Variants in NKAIN2 observed in about 807,000 individuals in gnomAD.
NKAIN2 encodes the protein sodium/potassium transporting ATPase interacting 2.
NKAIN2 carries 14 observed loss-of-function variants against 32.6 expected under a neutral mutation model. That is an observed-to-expected ratio of 0.43 (90% CI 0.28 to 0.67). The LOEUF (loss-of-function observed/expected upper bound fraction) is 0.67. Among genes scored for constraint, NKAIN2 ranks in the 30% least tolerant of loss-of-function variants. The pLI, the probability that NKAIN2 is intolerant of heterozygous loss-of-function variation, is 0.17. For synonymous variants in NKAIN2, 80 were observed against 87.2 expected (o/e 0.92, Z 0.46); for missense variants, 198 against 258.3 (o/e 0.77, Z 1.60).
At chr6:123,967,375 A>G (rs993220683) in intron 1 of NKAIN2, among the ~76,000 whole-genome samples, 10 of 152,214 alleles carry the variant, frequency 6.6e-5, no homozygotes, top group Non-Finnish European at 1.0e-4. Flanking sequence ...TCTTCATGGC[A>G]TCTAGCCGAG....
At chr6:123,805,003 T>C (rs1773156068) in intron 1 of NKAIN2, among the ~76,000 whole-genome samples, 1 of 152,212 alleles carries the variant, frequency 6.6e-6, no homozygotes, top group African/African-American at 2.4e-5. Context: ...GAATTCTATG[T>C]ACTTTTTGAG....
chr6:124,186,922 T>C (rs1427299038), intron 1 of NKAIN2, among the ~76,000 whole-genome samples: 1 of 151,782 alleles, frequency 6.6e-6, no homozygotes, highest in Non-Finnish European at 1.5e-5. Context: ...CCTTCTAGGA[T>C]ACCTTAAAAC....
chr6:124,741,198 G>A (rs1777190468), intron 4 of NKAIN2, among the ~76,000 whole-genome samples: 1 of 151,370 alleles, frequency 6.6e-6, no homozygotes, highest in Non-Finnish European at 1.5e-5. Context: ...TAAGTTAGAT[G>A]TCTACTATAC....
intron 3 of NKAIN2, among the ~76,000 whole-genome samples, chr6:124,397,743 A>G (rs1431037140): frequency 2.6e-5 from 4 of 152,186 alleles, no homozygotes; most frequent in Non-Finnish European, 5.9e-5. Flanking sequence ...AGGTGTTATT[A>G]TCTCCGTTTC....
chr6:124,492,392 A>G (rs1209146276), intron 3 of NKAIN2, among the ~76,000 whole-genome samples: 1 of 151,990 alleles, frequency 6.6e-6, no homozygotes, highest in South Asian at 2.1e-4. Flanking sequence ...CAGTTCAGTT[A>G]AATGTTCCTA....
chr6:124,467,606 T>C (rs953016573), intron 3 of NKAIN2, among the ~76,000 whole-genome samples: 17 of 152,080 alleles, frequency 1.1e-4, no homozygotes, highest in African/African-American at 3.9e-4. Context: ...ATTCAAAGTC[T>C]AGGGCAATTT....
intron 4 of NKAIN2, among the ~76,000 whole-genome samples, chr6:124,723,358 T>C (rs1303480836): frequency 3.3e-5 from 5 of 152,226 alleles, no homozygotes; most frequent in African/African-American, 9.6e-5. Flanking sequence ...AGCACTTTCA[T>C]TGTGTTCAAT....
At chr6:124,091,697 C>G (rs1368929648) in intron 1 of NKAIN2, among the ~76,000 whole-genome samples, 2 of 151,864 alleles carry the variant, frequency 1.3e-5, no homozygotes, top group Non-Finnish European at 1.5e-5. Context: ...GTCTTCCACA[C>G]TTTGCCTCAT....
At chr6:124,133,597 A>G (rs163287) in intron 1 of NKAIN2, among the ~76,000 whole-genome samples, 106,823 of 151,914 alleles carry the variant, frequency 0.7, 38,057 homozygotes, top group African/African-American at 0.82. Context: ...TAAACACCAG[A>G]AAAAAAATTA....
intron 1 of NKAIN2, among the ~76,000 whole-genome samples, chr6:123,892,870 A>G (rs962710463): frequency 7.3e-5 from 11 of 151,534 alleles, no homozygotes; most frequent in African/African-American, 2.2e-4. Flanking sequence ...GTCAGATGCC[A>G]TATACCTCAA....
intron 4 of NKAIN2, among the ~76,000 whole-genome samples, chr6:124,788,140 A>G (rs940119645): frequency 7.9e-5 from 12 of 152,148 alleles, no homozygotes; most frequent in Admixed American, 6.6e-4. Flanking sequence ...CAAACTCCTT[A>G]AAGCTAGGAC....
At chr6:123,868,626 A>G (rs1772705654) in intron 1 of NKAIN2, among the ~76,000 whole-genome samples, 1 of 152,204 alleles carries the variant, frequency 6.6e-6, no homozygotes, top group Non-Finnish European at 1.5e-5. Flanking sequence ...TGGTTTAGAA[A>G]TTAATCAAAT....
chr6:124,345,820 A>C (rs1798394146), intron 2 of NKAIN2, among the ~76,000 whole-genome samples: 2 of 151,760 alleles, frequency 1.3e-5, no homozygotes, highest in African/African-American at 4.8e-5. Context: ...AGGGTTTTTT[A>C]TGTCTCTATT....
intron 1 of NKAIN2, among the ~76,000 whole-genome samples, chr6:124,120,118 T>C (rs1010074730): frequency 6.6e-6 from 1 of 152,184 alleles, no homozygotes; most frequent in Non-Finnish European, 1.5e-5. Context: ...AATATATTAA[T>C]GAACAGTTTC....
chr6:124,017,280 A>G (rs924445852), intron 1 of NKAIN2, among the ~76,000 whole-genome samples: 9 of 152,110 alleles, frequency 5.9e-5, no homozygotes, highest in African/African-American at 2.4e-5. Context: ...GGTCCCTCCC[A>G]CGACATGTGG....
intron 3 of NKAIN2, among the ~76,000 whole-genome samples, chr6:124,399,425 C>T (rs1773534249): frequency 6.6e-6 from 1 of 152,138 alleles, no homozygotes; most frequent in South Asian, 2.1e-4. Context: ...AGGGGCCCCA[C>T]AACATCTACA....
rs60818370 is a variant in NKAIN2 at position 124,480,586 on chromosome 6, G to GTATTAT, written c.273+125266_273+125271dup. On this transcript the variant is annotated intron_variant, in intron 3 of 6. Coordinates refer to ENST00000368417, the MANE Select transcript of NKAIN2 (RefSeq NM_001040214.3). ...CTTGTTTTAGTTCCAAGATGTTGAG[G>GTATTAT]TATTATTATTATTATTATTATTATT... Among the ~76,000 whole-genome samples the GTATTAT allele has an allele frequency of 4.1e-3, 616 of 149,404 alleles. 4 individuals are homozygous for GTATTAT. Among genetic ancestry groups the GTATTAT allele is most frequent in the African/African-American group, 0.013 (523 of 40,786 alleles).
intron 1 of NKAIN2, among the ~76,000 whole-genome samples, chr6:124,112,111 A>T (rs984505100): frequency 1.3e-5 from 2 of 152,116 alleles, no homozygotes; most frequent in Non-Finnish European, 2.9e-5. Context: ...TTACAATAAT[A>T]CAATATTTTA....
intron 1 of NKAIN2, among the ~76,000 whole-genome samples, chr6:124,067,672 A>G (rs79554451): frequency 0.013 from 2,034 of 152,302 alleles, 34 homozygotes; most frequent in African/African-American, 0.038. Context: ...TGTGTGGTAT[A>G]GTGGTAAAAC....
Sources: allele counts gnomAD v4.1 joint callset (sites outside exome capture counted in the v4.1 genomes callset), GRCh38; gene constraint gnomAD v4.1.1; transcripts MANE v1.5; gene names NCBI Gene and HGNC (gene_info 2026-07-23, HGNC 2026-07-21).